Variants in ZNF133 observed in about 807,000 individuals in gnomAD.
The protein encoded by ZNF133 is zinc finger protein 133 (clone pHZ-13).
Under a neutral mutation model 54.9 loss-of-function variants are expected in ZNF133, and 26 were observed. The observed-to-expected ratio is 0.47, with a 90% CI of 0.35 to 0.66. ZNF133 has a LOEUF of 0.66. ZNF133 is among the 30% of genes least tolerant of loss of function. The probability of loss-of-function intolerance (pLI) is 0.01; values close to 1 mark genes in which losing one functional copy is unlikely to be tolerated. For missense variants in ZNF133, 653 were observed against 820.8 expected, an observed-to-expected ratio of 0.80 and a Z score of 2.50; for synonymous variants, 298 against 320.3, an observed-to-expected ratio of 0.93 and a Z score of 0.74.
chr20:18,300,940 T>C (rs2043236975), intron 3 of ZNF133, among the ~76,000 whole-genome samples: 1 of 152,024 alleles, frequency 6.6e-6, no homozygotes. Context: ...TTGAACAAGG[T>C]GTAAATCCAA....
Position 18,316,149 on chromosome 20 carries a change from C to G in ZNF133, c.1298C>G (p.Thr433Ser). The change falls in exon 7 of 7, where the codon ACT (threonine) becomes AGT (serine). Residue 433 changes from threonine (T) to serine (S), a missense_variant. Around this residue, in one of 4 missense-constraint regions of ZNF133, gnomAD observed 292 missense variants for 431.6 expected, o/e 0.68. Coordinates refer to ENST00000425686, the MANE Select transcript of ZNF133 (RefSeq NM_001352452.2). Reference protein sequence around the residue: ...STLISHRRTHTGEKPYVCGVC... With the variant: ...STLISHRRTHSGEKPYVCGVC... ...CTCATCTCTCACAGGCGGACACACA[C>G]TGGGGAGAAGCCGTATGTTTGTGGG... The G allele has an allele frequency of 6.2e-7, 1 of 1,612,466 alleles. No homozygotes were observed. The highest frequency in any genetic ancestry group is 1.1e-5 in the South Asian group (1 of 90,782).
chr20:18,298,240 C>A, intron 2 of ZNF133, 49 bp from the exon 3 acceptor site: 1 of 1,462,508 alleles, frequency 6.8e-7, no homozygotes, highest in Non-Finnish European at 9.0e-7. Flanking sequence ...GTAAACTGAA[C>A]AACACACAAT....
intron 1 of ZNF133, among the ~76,000 whole-genome samples, chr20:18,294,432 C>A (rs746614654): frequency 7.2e-5 from 11 of 152,160 alleles, no homozygotes; most frequent in Non-Finnish European, 8.8e-5. Context: ...AGAAAAAGTA[C>A]ATTGGTGGAA....
chr20:18,300,957 T>C (rs761296705), intron 3 of ZNF133, among the ~76,000 whole-genome samples: 5 of 152,016 alleles, frequency 3.3e-5, no homozygotes, highest in African/African-American at 1.2e-4. Context: ...CCAATAGATA[T>C]AATAGACATA....
chr20:18,310,192 T>C (rs916618589), intron 6 of ZNF133: 3 of 1,427,090 alleles, frequency 2.1e-6, no homozygotes, highest in Non-Finnish European at 2.7e-6. Flanking sequence ...CTTACAATGA[T>C]GTTGAGCACA....
Position 18,305,865 on chromosome 20 carries a change from T to A in ZNF133, c.121+58T>A. 1 of 1,562,036 alleles carries A rather than the reference T, an allele frequency of 6.4e-7. No individual in the cohort carries two copies. The highest frequency in any genetic ancestry group is 8.7e-7 in the Non-Finnish European group (1 of 1,152,150). ...TATTGCTGGGAATTTTAGGCTATGCTTGAAGCAGCCATCTTGCTTTGTTAC... is the reference window on the plus strand; with the variant it reads ...TATTGCTGGGAATTTTAGGCTATGCATGAAGCAGCCATCTTGCTTTGTTAC... On this transcript the variant is annotated intron_variant, in intron 5 of 6. Coordinates refer to ENST00000425686, the MANE Select transcript of ZNF133 (RefSeq NM_001352452.2). This position sits in a 1 kb window ranked among gnomAD's most constrained non-coding sequence, Gnocchi z 4.7.
At position 18,316,409 on chromosome 20, in the gene ZNF133, A is replaced by T; in HGVS notation, c.1558A>T (p.Arg520Trp). 1 of 1,613,986 alleles carries T rather than the reference A, an allele frequency of 6.2e-7. No individual in the cohort carries two copies. The highest frequency in any genetic ancestry group is 8.5e-7 in the Non-Finnish European group (1 of 1,179,920). ...ACACCAGAGGACGCACTCAGGGGAG[A>T]GGCCGTATGTGTGCCGAGAGTGCGG... ...VAHQRTHSGE[R>W]PYVCRECGRG... is the part of the protein sequence containing the mutation. The change falls in exon 7 of 7, where the codon AGG (arginine) becomes TGG (tryptophan). Residue 520 changes from arginine to tryptophan, a missense_variant. Arg to Trp is a moderately radical substitution (Grantham distance 101). Around this residue, in one of 4 missense-constraint regions of ZNF133, gnomAD observed 292 missense variants for 431.6 expected, o/e 0.68. Transcript: ENST00000425686.
intron 1 of ZNF133, among the ~76,000 whole-genome samples, chr20:18,294,833 A>G (rs1327369871): frequency 6.6e-6 from 1 of 152,136 alleles, no homozygotes; most frequent in Non-Finnish European, 1.5e-5. Context: ...CCATGGTGAA[A>G]TATTTTGTTA....
chr20:18,303,738 T>C (rs952013587), intron 3 of ZNF133, among the ~76,000 whole-genome samples: 7 of 152,348 alleles, frequency 4.6e-5, no homozygotes, highest in Non-Finnish European at 8.8e-5. Context: ...TGTATATTTA[T>C]ATGCTGAAGA....
At chr20:18,310,119 G>A in intron 6 of ZNF133, 3 of 1,300,250 alleles carry the variant, frequency 2.3e-6, no homozygotes, top group Non-Finnish European at 2.9e-6. Flanking sequence ...TTGTCTTAAA[G>A]CGAAACCTAT....
rs1417139016 is a variant in ZNF133, at chr20:18,310,229, G to A, written c.217+3836G>A. Reference sequence around the variant, plus strand: ...TAAAAAGAATGCTGTACAATCCAAGGAGCAAGTCATTGTGGTTGCCCAGGA... The same window carrying A: ...TAAAAAGAATGCTGTACAATCCAAGAAGCAAGTCATTGTGGTTGCCCAGGA... On this transcript the variant is annotated intron_variant, in intron 6 of 6. Transcript: ENST00000425686. 2.6e-6 allele frequency: 4 copies of A among 1,521,588 alleles called. No individual in the cohort carries two copies. In the South Asian group the frequency reaches 4.9e-5, roughly 19 times the overall value. The allele number at this position is 1,521,588 out of a possible 1,614,324, so 94.3% of individuals were successfully genotyped here.
At chr20:18,295,827 AT>A (rs1425137903) in intron 1 of ZNF133, among the ~76,000 whole-genome samples, 1 of 151,790 alleles carries the variant, frequency 6.6e-6, no homozygotes, top group African/African-American at 2.4e-5. Context: ...AAATCTGGCT[AT>A]TTTTTAAAAT....
intron 6 of ZNF133, chr20:18,313,479 A>G (rs2046585754): frequency 6.6e-6 from 1 of 152,234 alleles, no homozygotes; most frequent in Admixed American, 6.5e-5. Context: ...CACTGTGCTT[A>G]ACTCAGGACA....
chr20:18,311,079 T>TGACG (rs113436884), intron 6 of ZNF133, among the ~76,000 whole-genome samples: 2 of 151,702 alleles, frequency 1.3e-5, no homozygotes, highest in African/African-American at 4.9e-5. Context: ...CTCAGGAGGC[T>TGACG]GAGACCAAGG....
intron 1 of ZNF133, among the ~76,000 whole-genome samples, chr20:18,293,556 C>G (rs2041554414): frequency 6.6e-6 from 1 of 151,998 alleles, no homozygotes; most frequent in African/African-American, 2.4e-5. Flanking sequence ...AGGAACAAGG[C>G]CAAAATGGAA....
chr20:18,307,583 A>G (rs1014949397), intron 6 of ZNF133, among the ~76,000 whole-genome samples: 2 of 152,106 alleles, frequency 1.3e-5, no homozygotes, highest in East Asian at 1.9e-4. Flanking sequence ...CTTCCTTTAC[A>G]TGTTTTTATC....
chr20:18,305,210 A>C lies in ZNF133; in HGVS notation c.-7+32A>C. The C allele has an allele frequency of 4.0e-6, 4 of 990,056 alleles. No homozygotes were observed. The highest frequency in any genetic ancestry group is 4.8e-6 in the Non-Finnish European group (4 of 833,400). 61.3% of individuals were successfully genotyped at this position (990,056 alleles called of 1,614,324 possible). On this transcript the variant is annotated intron_variant, in intron 4 of 6. Coordinates refer to ENST00000425686, the MANE Select transcript of ZNF133 (RefSeq NM_001352452.2). This position sits in a 1 kb window ranked among gnomAD's most constrained non-coding sequence, Gnocchi z 4.7. ...AAACTGGGATACTAGTTGGTGGCAGAGGTGGGTCTGAAACTCAGGCACCAT... is the reference window on the plus strand; with the variant it reads ...AAACTGGGATACTAGTTGGTGGCAGCGGTGGGTCTGAAACTCAGGCACCAT...
rs540190933 is a variant in ZNF133 at position 18,304,039 on chromosome 20, A to G, written c.-177-969A>G. Among the ~76,000 whole-genome samples, 6 of 152,358 alleles carry G rather than the reference A, an allele frequency of 3.9e-5. No homozygotes were observed. In the South Asian group the frequency reaches 1.2e-3, roughly 32 times the overall value. On this transcript the variant is annotated intron_variant, in intron 3 of 6. Transcript: ENST00000425686. The stretch of plus-strand genomic sequence containing the variant: ...AGGGATTAATATTTAGAATATATAA[A>G]GAACTCCTACAGCTTAACAACAATA...
At chr20:18,309,743 A>T (rs892988896) in intron 6 of ZNF133, among the ~76,000 whole-genome samples, 3 of 152,160 alleles carry the variant, frequency 2.0e-5, no homozygotes, top group African/African-American at 4.8e-5. Flanking sequence ...GGATGGTCCT[A>T]AAAAAAGTAT....
Sources: allele counts gnomAD v4.1 joint callset (sites outside exome capture counted in the v4.1 genomes callset), GRCh38; gene constraint gnomAD v4.1.1; regional missense constraint gnomAD v4.1.1; non-coding constraint Gnocchi (gnomAD v3.1); transcripts MANE v1.5; gene names NCBI Gene and HGNC (gene_info 2026-07-23, HGNC 2026-07-21).